ARL11: variants seen among roughly 807,000 people sequenced by gnomAD.
ARL11 encodes the protein ADP-ribosylation factor-like protein 11.
For synonymous variants in ARL11, 91 were observed against 111.2 expected (o/e 0.82, Z 1.15); for missense variants, 239 against 250.6 (o/e 0.95, Z 0.31).
At chr13:49,629,450 A>G (rs901747073) in intron 1 of ARL11, among the ~76,000 whole-genome samples, 2 of 152,208 alleles carry the variant, frequency 1.3e-5, no homozygotes, top group Non-Finnish European at 2.9e-5. Context: ...AAGACATTTC[A>G]GTCAACGACA....
In ARL11 at chr13:49,631,041, C is replaced by A; in HGVS notation, c.*3C>A. On this transcript the variant is annotated 3_prime_UTR_variant, in exon 2 of 2. Transcript: ENST00000282026. ...GCGGAGACAGCAAGAGATCTTGATC[C>A]AGACAGAGCAGCATATCTTTGCTCA... The A allele has an allele frequency of 6.4e-7, 1 of 1,550,658 alleles. No homozygotes were observed. Among genetic ancestry groups the A allele is most frequent in the Non-Finnish European group, 8.7e-7 (1 of 1,144,378 alleles).
rs1171214636 is a variant in ARL11 at position 49,630,938 on chromosome 13, A to C, written c.491A>C (p.Glu164Ala). The change falls in exon 2 of 2, where the codon GAG (glutamate) becomes GCG (alanine). Residue 164 changes from glutamate (E) to alanine (A), a missense_variant. Physicochemically the swap from Glu to Ala is moderately radical, Grantham distance 107. Coordinates refer to ENST00000282026, the MANE Select transcript of ARL11 (RefSeq NM_138450.6). Reference protein sequence around the residue: ...CSALTGEGLPEALQSLWSLLK... With the variant: ...CSALTGEGLPAALQSLWSLLK... ...GCCCTCACTGGGGAGGGGCTGCCCGAGGCCCTGCAGAGCCTGTGGAGCCTC... is the reference window on the plus strand; with the variant it reads ...GCCCTCACTGGGGAGGGGCTGCCCGCGGCCCTGCAGAGCCTGTGGAGCCTC... The C allele has an allele frequency of 6.2e-7, 1 of 1,605,404 alleles. No individual in the cohort carries two copies. Among genetic ancestry groups the C allele is most frequent in the East Asian group, 2.2e-5 (1 of 44,648 alleles).
chr13:49,632,934 GA>G lies in ARL11; in HGVS notation c.*1897del, dbSNP rs1964901501. The G allele has an allele frequency of 6.0e-6, 1 of 166,918 alleles. No homozygotes were observed. Among genetic ancestry groups the G allele is most frequent in the Non-Finnish European group, 1.5e-5 (1 of 68,126 alleles). 10.3% of individuals were successfully genotyped at this position (166,918 alleles called of 1,614,324 possible). On this transcript the variant is annotated 3_prime_UTR_variant, in exon 2 of 2. Coordinates refer to ENST00000282026, the MANE Select transcript of ARL11 (RefSeq NM_138450.6). ...AAAGACATTACTCCCATAAAAATGT[GA>G]GGAGAGAGACTCAGTTCAGCAACTG...
intron 1 of ARL11, among the ~76,000 whole-genome samples, 170 bp from the exon 2 acceptor site, chr13:49,630,260 C>T (rs1240877733): frequency 1.3e-5 from 2 of 152,158 alleles, no homozygotes; most frequent in Admixed American, 6.5e-5. Context: ...GTAGAGAAGG[C>T]GGGTCCTTGC....
At position 49,632,942 on chromosome 13, in the gene ARL11, A is replaced by C. The variant is rs1964901527; in HGVS notation, c.*1904A>C. Reference sequence around the variant, plus strand: ...TACTCCCATAAAAATGTGAGGAGAGAGACTCAGTTCAGCAACTGTTTATTC... The same window carrying C: ...TACTCCCATAAAAATGTGAGGAGAGCGACTCAGTTCAGCAACTGTTTATTC... On this transcript the variant is annotated 3_prime_UTR_variant, in exon 2 of 2. Transcript: ENST00000282026. 6.0e-6 allele frequency: 1 copy of C among 166,908 alleles called. No homozygotes were observed. The highest frequency in any genetic ancestry group is 1.5e-5 in the Non-Finnish European group (1 of 68,130). The allele number at this position is 166,908 out of a possible 1,614,324, so 10.3% of individuals were successfully genotyped here.
In ARL11 at chr13:49,631,106, G is replaced by C; in HGVS notation, c.*68G>C. The C allele has an allele frequency of 1.4e-6, 2 of 1,403,346 alleles. No homozygotes were observed. The highest frequency in any genetic ancestry group is 1.9e-6 in the Non-Finnish European group (2 of 1,040,224). The allele number at this position is 1,403,346 out of a possible 1,614,324, so 86.9% of individuals were successfully genotyped here. A position where few individuals can be genotyped will look rare whatever the true frequency, so the allele number is the denominator to read the frequency against. On this transcript the variant is annotated 3_prime_UTR_variant, in exon 2 of 2. Coordinates refer to ENST00000282026, the MANE Select transcript of ARL11 (RefSeq NM_138450.6). ...ACCAGCTGATCCTTGAGAAATTTAC[G>C]CTTAGTCTATCAAACAAGAAATGCT...
rs1234287439 is a variant in ARL11, at chr13:49,633,826, T to G, written c.*2788T>G. On this transcript the variant is annotated 3_prime_UTR_variant, in exon 2 of 2. Coordinates refer to ENST00000282026, the MANE Select transcript of ARL11 (RefSeq NM_138450.6). ...TAGCTGCTTTCAGATTGTTCCATTA[T>G]CTGTACTCCCAACAACCCTGCCGGA... 1 of 167,096 alleles carries G rather than the reference T, an allele frequency of 6.0e-6. No individual in the cohort carries two copies. Among genetic ancestry groups the G allele is most frequent in the African/African-American group, 2.4e-5 (1 of 41,460 alleles). The allele number at this position is 167,096 out of a possible 1,614,324, so 10.4% of individuals were successfully genotyped here.
chr13:49,632,655 A>G lies in ARL11; in HGVS notation c.*1617A>G, dbSNP rs1361023301. On this transcript the variant is annotated 3_prime_UTR_variant, in exon 2 of 2. Transcript: ENST00000282026. Reference sequence around the variant, plus strand: ...ATATTTAGCACCTGTTCTCATGTTAAACAGCTCTGAATGTTAGATATTCTT... The same window carrying G: ...ATATTTAGCACCTGTTCTCATGTTAGACAGCTCTGAATGTTAGATATTCTT... The G allele has an allele frequency of 6.0e-6, 1 of 166,994 alleles. No homozygotes were observed. Among genetic ancestry groups the G allele is most frequent in the Non-Finnish European group, 1.5e-5 (1 of 68,122 alleles). 10.3% of individuals were successfully genotyped at this position (166,994 alleles called of 1,614,324 possible).
At position 49,628,813 on chromosome 13, in the gene ARL11, T is replaced by C. The variant is rs141632025; in HGVS notation, c.-19+198T>C. Among the ~76,000 whole-genome samples, 544 of 152,260 alleles carry C rather than the reference T, an allele frequency of 3.6e-3. 3 individuals carry two copies. The highest frequency in any genetic ancestry group is 0.012 in the African/African-American group (514 of 41,546). On this transcript the variant is annotated intron_variant, in intron 1 of 1. Transcript: ENST00000282026. The stretch of plus-strand genomic sequence containing the variant: ...GGGATTCTTTAAAAACATATGTGGC[T>C]GGGCACAGTGGCTCACGCCTGTAAT...
intron 1 of ARL11, among the ~76,000 whole-genome samples, 160 bp downstream of exon 1, chr13:49,628,775 T>A (rs1427498381): frequency 6.6e-6 from 1 of 152,178 alleles, no homozygotes. Flanking sequence ...ACAGGTCTTA[T>A]GTCTTAAAAT....
At position 49,630,790 on chromosome 13, in the gene ARL11, G is replaced by A. The variant is rs994780789; in HGVS notation, c.343G>A (p.Val115Ile). 1.4e-5 allele frequency: 22 copies of A among 1,612,762 alleles called. No individual in the cohort carries two copies. The highest frequency in any genetic ancestry group is 2.2e-5 in the East Asian group (1 of 44,828). ...EVLNDPNMAG[V>I]PFLVLANKQE... ...CCTGAACGACCCCAACATGGCTGGCGTCCCCTTCTTGGTGCTGGCCAACAA... is the reference window on the plus strand; with the variant it reads ...CCTGAACGACCCCAACATGGCTGGCATCCCCTTCTTGGTGCTGGCCAACAA... The change falls in exon 2 of 2, where the codon GTC becomes ATC. Residue 115 changes from valine (V) to isoleucine (I), a missense_variant. By Grantham distance (29) the Val-to-Ile change is conservative. Coordinates refer to ENST00000282026, the MANE Select transcript of ARL11 (RefSeq NM_138450.6).
Position 49,630,523 on chromosome 13 carries a change from A to G in ARL11, c.76A>G (p.Thr26Ala). 6.2e-7 allele frequency: 1 copy of G among 1,613,906 alleles called. No individual in the cohort carries two copies. The highest frequency in any genetic ancestry group is 1.3e-5 in the African/African-American group (1 of 75,020). Reference protein sequence around the residue: ...VMMGLDSAGKTTLLYKLKGHQ... With the variant: ...VMMGLDSAGKATLLYKLKGHQ... ...GATGGGCCTGGACTCGGCGGGCAAG[A>G]CCACGCTCCTTTACAAGCTGAAGGG... The change falls in exon 2 of 2, where the codon ACC (threonine) becomes GCC (alanine). Residue 26 changes from threonine (T) to alanine (A), a missense_variant. Thr to Ala is a moderately conservative substitution (Grantham distance 58). Coordinates refer to ENST00000282026, the MANE Select transcript of ARL11 (RefSeq NM_138450.6).
chr13:49,632,105 T>A lies in ARL11; in HGVS notation c.*1067T>A, dbSNP rs1388248644. The A allele has an allele frequency of 6.0e-6, 1 of 167,124 alleles. No homozygotes were observed. Among genetic ancestry groups the A allele is most frequent in the Non-Finnish European group, 1.5e-5 (1 of 68,128 alleles). 10.4% of individuals were successfully genotyped at this position (167,124 alleles called of 1,614,324 possible). ...TCTGATGCTAATTAGCCTCTCCCGATTTTATGACATCTTGTGTTGATCTTT... is the reference window on the plus strand; with the variant it reads ...TCTGATGCTAATTAGCCTCTCCCGAATTTATGACATCTTGTGTTGATCTTT... On this transcript the variant is annotated 3_prime_UTR_variant, in exon 2 of 2. Transcript: ENST00000282026.
intron 1 of ARL11, 38 bp from the exon 2 acceptor site, chr13:49,630,392 G>T: frequency 7.1e-7 from 1 of 1,407,082 alleles, no homozygotes; most frequent in Non-Finnish European, 9.8e-7. Context: ...TCCTTCAGAA[G>T]ACAGTAGCTG....
Position 49,630,503 on chromosome 13 carries a change from G to A in ARL11, c.56G>A (p.Gly19Asp), listed in dbSNP as rs1166167152. Residue 19 changes from glycine (G) to aspartate (D), a missense_variant, in exon 2 of 2, where the codon GGC (glycine) becomes GAC (aspartate). By Grantham distance (94) the Gly-to-Asp change is moderately conservative. Coordinates refer to ENST00000282026, the MANE Select transcript of ARL11 (RefSeq NM_138450.6). Reference sequence around the variant, plus strand: ...GCGGAAGCCCAGGTGGTGATGATGGGCCTGGACTCGGCGGGCAAGACCACG... The same window carrying A: ...GCGGAAGCCCAGGTGGTGATGATGGACCTGGACTCGGCGGGCAAGACCACG... ...HKAEAQVVMM[G>D]LDSAGKTTLL... The A allele has an allele frequency of 6.2e-7, 1 of 1,613,850 alleles. No homozygotes were observed. Among genetic ancestry groups the A allele is most frequent in the Non-Finnish European group, 8.5e-7 (1 of 1,180,028 alleles).
In ARL11 at chr13:49,631,114, T is replaced by A; in HGVS notation, c.*76T>A. The A allele has an allele frequency of 7.3e-7, 1 of 1,374,182 alleles. No homozygotes were observed. The highest frequency in any genetic ancestry group is 9.8e-7 in the Non-Finnish European group (1 of 1,016,604). The allele number at this position is 1,374,182 out of a possible 1,614,324, so 85.1% of individuals were successfully genotyped here. On this transcript the variant is annotated 3_prime_UTR_variant, in exon 2 of 2. Transcript: ENST00000282026. ...ATCCTTGAGAAATTTACGCTTAGTC[T>A]ATCAAACAAGAAATGCTGGCTTGGC...
At position 49,633,622 on chromosome 13, in the gene ARL11, C is replaced by T; in HGVS notation, c.*2584C>T. 6.0e-6 allele frequency: 1 copy of T among 167,028 alleles called. No homozygotes were observed. Among genetic ancestry groups the T allele is most frequent in the Non-Finnish European group, 1.5e-5 (1 of 68,092 alleles). The allele number at this position is 167,028 out of a possible 1,614,324, so 10.3% of individuals were successfully genotyped here. ...GGAAGAGAGATGAGAAAATTGAGAGCTATTATTAAGAAAAACAGTTGAGAG... is the reference window on the plus strand; with the variant it reads ...GGAAGAGAGATGAGAAAATTGAGAGTTATTATTAAGAAAAACAGTTGAGAG... On this transcript the variant is annotated 3_prime_UTR_variant, in exon 2 of 2. Coordinates refer to ENST00000282026, the MANE Select transcript of ARL11 (RefSeq NM_138450.6).
rs1964901580 is a variant in ARL11, at chr13:49,632,958, C to G, written c.*1920C>G. On this transcript the variant is annotated 3_prime_UTR_variant, in exon 2 of 2. Coordinates refer to ENST00000282026, the MANE Select transcript of ARL11 (RefSeq NM_138450.6). The stretch of plus-strand genomic sequence containing the variant: ...TGAGGAGAGAGACTCAGTTCAGCAA[C>G]TGTTTATTCTGTTTATTGAGCACTT... The G allele has an allele frequency of 2.4e-5, 4 of 166,912 alleles. No individual in the cohort carries two copies. The Admixed American group carries it at 2.6e-4, about 11-fold the overall frequency. 10.3% of individuals were successfully genotyped at this position (166,912 alleles called of 1,614,324 possible).
In ARL11 at chr13:49,631,001, C is replaced by A; in HGVS notation, c.554C>A (p.Ala185Asp). ...SRSCMCLQAR[A>D]HGAERGDSKR... ...AGCTGCATGTGTCTGCAGGCGAGAGCCCATGGGGCTGAGCGCGGAGACAGC... is the reference window on the plus strand; with the variant it reads ...AGCTGCATGTGTCTGCAGGCGAGAGACCATGGGGCTGAGCGCGGAGACAGC... Residue 185 changes from alanine (A) to aspartate (D), a missense_variant, in exon 2 of 2, where the codon GCC becomes GAC. Ala to Asp is a moderately radical substitution (Grantham distance 126). Transcript: ENST00000282026. 6.2e-7 allele frequency: 1 copy of A among 1,604,266 alleles called. No individual in the cohort carries two copies.
Sources: allele counts gnomAD v4.1 joint callset (sites outside exome capture counted in the v4.1 genomes callset), GRCh38; gene constraint gnomAD v4.1.1; transcripts MANE v1.5; gene names NCBI Gene and HGNC (gene_info 2026-07-23, HGNC 2026-07-21).